The following COL21A1 variants were observed in gnomAD, a reference collection of about 807,000 sequenced individuals.
COL21A1 encodes the protein collagen alpha-1(XXI) chain.
In COL21A1, 149 loss-of-function variants were observed where a neutral mutation model predicts 137.9. The ratio of observed to expected loss-of-function variants is 1.08; its 90% CI spans 0.95 to 1.24. The LOEUF (loss-of-function observed/expected upper bound fraction) is 1.24. COL21A1 is among the 50% of genes most tolerant of loss of function. The pLI, the probability that COL21A1 is intolerant of heterozygous loss-of-function variation, is 0.00. For synonymous variants in COL21A1, 456 were observed against 391.5 expected, an observed-to-expected ratio of 1.16 and a Z score of -1.95; for missense variants, 1,167 against 1,158.4, an observed-to-expected ratio of 1.01 and a Z score of -0.11.
At chr6:56,242,926 C>G (rs770390309) in intron 1 of COL21A1, among the ~76,000 whole-genome samples, 3 of 152,048 alleles carry the variant, frequency 2.0e-5, no homozygotes, top group Non-Finnish European at 4.4e-5. Flanking sequence ...GTCTCTTTGT[C>G]AACATTATCT....
At chr6:56,327,823 T>G (rs576827686) in intron 1 of COL21A1, among the ~76,000 whole-genome samples, 32 of 152,128 alleles carry the variant, frequency 2.1e-4, no homozygotes, top group African/African-American at 6.5e-4. Context: ...ACCTACCTGC[T>G]AGGGTTGCTA....
intron 1 of COL21A1, among the ~76,000 whole-genome samples, chr6:56,275,186 T>C (rs1490829327): frequency 6.6e-6 from 1 of 152,196 alleles, no homozygotes; most frequent in Non-Finnish European, 1.5e-5. Flanking sequence ...ACTGGACCCC[T>C]GCCTTTCATC....
At chr6:56,296,311 A>G (rs1764162903) in intron 1 of COL21A1, among the ~76,000 whole-genome samples, 1 of 151,992 alleles carries the variant, frequency 6.6e-6, no homozygotes, top group Non-Finnish European at 1.5e-5. Flanking sequence ...TGCAATGGGT[A>G]TAGTTAAACA....
chr6:56,099,520 G>T (rs62404900), intron 17 of COL21A1, among the ~76,000 whole-genome samples: 23,054 of 151,978 alleles, frequency 0.15, 1,770 homozygotes, highest in Middle Eastern at 0.22. Flanking sequence ...ACAAGCGTGA[G>T]CCACTGCACC....
chr6:56,277,049 TGACCTCATGATCCGCCCGCCTC>T (rs1281361716), intron 1 of COL21A1, among the ~76,000 whole-genome samples: 5 of 152,048 alleles, frequency 3.3e-5, no homozygotes, highest in Admixed American at 2.0e-4. Context: ...CTCAATCTCC[TGACCTCATGATCCGCCCGCCTC>T]GACCTCCCAA....
At chr6:56,290,558 G>C (rs1054811064) in intron 1 of COL21A1, among the ~76,000 whole-genome samples, 8 of 146,316 alleles carry the variant, frequency 5.5e-5, no homozygotes, top group Non-Finnish European at 4.5e-5. Flanking sequence ...AGAGTGCAGT[G>C]GCATGATCTC....
chr6:56,388,803 G>A (rs1016282828), intron 1 of COL21A1, among the ~76,000 whole-genome samples: 1 of 152,186 alleles, frequency 6.6e-6, no homozygotes, highest in Non-Finnish European at 1.5e-5. Flanking sequence ...AGGCACTAGT[G>A]ACCAATCTCA....
chr6:56,064,510 C>T, intron 24 of COL21A1, 68 bp downstream of exon 24: 1 of 1,058,852 alleles, frequency 9.4e-7, no homozygotes, highest in Middle Eastern at 2.0e-4. Context: ...GCAAGTAATC[C>T]TCTCTCAGCA....
intron 17 of COL21A1, among the ~76,000 whole-genome samples, chr6:56,097,802 T>TATATAAATAC (rs1769516355): frequency 1.9e-5 from 2 of 106,248 alleles, no homozygotes; most frequent in Non-Finnish European, 3.6e-5. Flanking sequence ...TATATAAATC[T>TATATAAATAC]ATATAAATAT....
chr6:56,217,979 G>C (rs1780595228), intron 1 of COL21A1, among the ~76,000 whole-genome samples: 1 of 152,052 alleles, frequency 6.6e-6, no homozygotes, highest in Non-Finnish European at 1.5e-5. Context: ...ACATGAGAAT[G>C]ACATGTCATG....
At chr6:56,308,878 T>C (rs1764533807) in intron 1 of COL21A1, among the ~76,000 whole-genome samples, 1 of 152,144 alleles carries the variant, frequency 6.6e-6, no homozygotes, top group African/African-American at 2.4e-5. Context: ...CAAATTCCAC[T>C]GGGAAGTAGG....
At chr6:56,063,714 T>C (rs1766005020) in intron 24 of COL21A1, among the ~76,000 whole-genome samples, 1 of 152,056 alleles carries the variant, frequency 6.6e-6, no homozygotes, top group Non-Finnish European at 1.5e-5. Context: ...TCTCTCAGAC[T>C]CCTCCAAGTA....
At chr6:56,260,689 AAGGCAGGCAGGC>A (rs1299399802) in intron 1 of COL21A1, among the ~76,000 whole-genome samples, 3 of 104,760 alleles carry the variant, frequency 2.9e-5, no homozygotes, top group African/African-American at 8.9e-5. Flanking sequence ...GGAAGGAAGG[AAGGCAGGCAGGC>A]AGGCAGGCAG....
chr6:56,099,968 C>T (rs2152163302), intron 17 of COL21A1, among the ~76,000 whole-genome samples: 1 of 152,312 alleles, frequency 6.6e-6, no homozygotes, highest in Middle Eastern at 3.4e-3. Flanking sequence ...GGAGCTCATA[C>T]ACTGCCTCTA....
chr6:56,232,308 A>G (rs892567520), intron 1 of COL21A1, among the ~76,000 whole-genome samples: 2 of 151,944 alleles, frequency 1.3e-5, no homozygotes, highest in Non-Finnish European at 2.9e-5. Context: ...CTTAGAAAAC[A>G]AGAACAATAT....
At chr6:56,188,884 A>C (rs552193213) in intron 1 of COL21A1, among the ~76,000 whole-genome samples, 12 of 152,240 alleles carry the variant, frequency 7.9e-5, no homozygotes, top group Non-Finnish European at 4.4e-5. Flanking sequence ...GACCTGCTGC[A>C]GACAGTTTCC....
intron 12 of COL21A1, chr6:56,126,748 G>A (rs1016613861): frequency 3.3e-5 from 5 of 152,154 alleles, no homozygotes; most frequent in Non-Finnish European, 7.4e-5. Context: ...TATGTTGGAT[G>A]ATACTGCTTT....
At chr6:56,095,654 A>C (rs544077724) in intron 17 of COL21A1, among the ~76,000 whole-genome samples, 137 of 152,210 alleles carry the variant, frequency 9.0e-4, no homozygotes, top group African/African-American at 3.2e-3. Flanking sequence ...AGTTCTTCTC[A>C]GAGTATGCTT....
intron 1 of COL21A1, among the ~76,000 whole-genome samples, chr6:56,205,662 A>C (rs1345178731): frequency 2.0e-5 from 3 of 152,110 alleles, no homozygotes; most frequent in Non-Finnish European, 4.4e-5. Context: ...TTGAGAAGAG[A>C]AACCCCAGGA....
Sources: allele counts gnomAD v4.1 joint callset (sites outside exome capture counted in the v4.1 genomes callset), GRCh38; gene constraint gnomAD v4.1.1; transcripts MANE v1.5; gene names NCBI Gene and HGNC (gene_info 2026-07-23, HGNC 2026-07-21).